Variants in EPHA5 observed in about 807,000 individuals in gnomAD.
The protein encoded by EPHA5 is ephrin type-A receptor 5.
Under a neutral mutation model 105.0 loss-of-function variants are expected in EPHA5, and 60 were observed. That is an observed-to-expected ratio of 0.57 (90% CI 0.46 to 0.71). The LOEUF (loss-of-function observed/expected upper bound fraction) is 0.71, where lower values mean the gene tolerates loss of function less well. EPHA5 is among the 30% of genes least tolerant of loss of function. The pLI is 0.00. For missense variants in EPHA5, 1,218 were observed against 1,274.7 expected (o/e 0.96, Z 0.68); for synonymous variants, 513 against 449.1 (o/e 1.14, Z -1.80).
chr4:65,494,908 G>T (rs546073857), intron 4 of EPHA5, among the ~76,000 whole-genome samples: 4 of 152,026 alleles, frequency 2.6e-5, no homozygotes, highest in Non-Finnish European at 4.4e-5. Flanking sequence ...GATGGTGAAG[G>T]CTCCATCAGC....
At chr4:65,450,021 C>T (rs569302776) in intron 5 of EPHA5, among the ~76,000 whole-genome samples, 4 of 152,156 alleles carry the variant, frequency 2.6e-5, no homozygotes, top group Admixed American at 6.6e-5. Flanking sequence ...TCAACTCTAA[C>T]AAATGAATAC....
At chr4:65,333,544 T>A (rs62313035) in intron 15 of EPHA5, among the ~76,000 whole-genome samples, 8 of 8,028 alleles carry the variant, frequency 1.0e-3, no homozygotes, top group South Asian at 0.01. Context: ...TGTGTCTGTG[T>A]GTGTGTGTGT....
rs775436631 is a variant in EPHA5, at chr4:65,490,506, A to T, written c.1273T>A (p.Ser425Thr). ...LPRQSGLKNT[S>T]VMMVDLLAHT... is the part of the protein sequence containing the mutation. ...GCGAGTAGATCCACCATCATGACAG[A>T]GGTGTTTTTCAGGCCGCTTTGCCGG... The change falls in exon 5 of 17, where the codon TCT becomes ACT. Residue 425 changes from serine (S) to threonine (T), a missense_variant. Around this residue, in one of 3 missense-constraint regions of EPHA5, gnomAD observed 971 missense variants for 1,013.5 expected, o/e 0.96. Transcript: ENST00000613740. 10 of 1,614,082 alleles carry T rather than the reference A, an allele frequency of 6.2e-6. No homozygotes were observed. In the South Asian group the frequency reaches 9.9e-5, roughly 16 times the overall value.
chr4:65,632,470 T>C (rs954596527), intron 2 of EPHA5, among the ~76,000 whole-genome samples: 2 of 145,126 alleles, frequency 1.4e-5, no homozygotes, highest in African/African-American at 5.2e-5. Flanking sequence ...CTTAGTACAA[T>C]ACAAAATAAA....
chr4:65,604,436 TTTTTC>T (rs1468965777), intron 2 of EPHA5, among the ~76,000 whole-genome samples: 6 of 152,192 alleles, frequency 3.9e-5, no homozygotes, highest in Non-Finnish European at 8.8e-5. Flanking sequence ...ATTTTATTTA[TTTTTC>T]TTTTCAAGTA....
chr4:65,648,354 G>A lies in EPHA5; in HGVS notation c.182-4927C>T, dbSNP rs1748308648. ...TCACTATGAGCAGGAAAATGTATTAGATTCTCCAGGAAATAGACACATTGG... is the reference window on the plus strand; with the variant it reads ...TCACTATGAGCAGGAAAATGTATTAAATTCTCCAGGAAATAGACACATTGG... On this transcript the variant is annotated intron_variant, in intron 1 of 16. Coordinates refer to ENST00000613740, the MANE Select transcript of EPHA5 (RefSeq NM_001281766.3). Among the ~76,000 whole-genome samples the A allele has an allele frequency of 1.3e-5, 2 of 152,146 alleles. 1 individual carries two copies. Among genetic ancestry groups the A allele is most frequent in the African/African-American group, 4.8e-5 (2 of 41,434 alleles).
chr4:65,528,103 G>T (rs1247980927), intron 3 of EPHA5, among the ~76,000 whole-genome samples: 1 of 152,012 alleles, frequency 6.6e-6, no homozygotes, highest in Non-Finnish European at 1.5e-5. Context: ...AATTTGACCA[G>T]AAAATGTTAG....
chr4:65,390,841 G>T (rs915206167), intron 8 of EPHA5, among the ~76,000 whole-genome samples: 1 of 152,020 alleles, frequency 6.6e-6, no homozygotes, highest in Non-Finnish European at 1.5e-5. Context: ...GAGAAAAAAA[G>T]TAATGAGAGA....
At chr4:65,530,124 G>T (rs1735627188) in intron 3 of EPHA5, among the ~76,000 whole-genome samples, 1 of 151,988 alleles carries the variant, frequency 6.6e-6, no homozygotes, top group African/African-American at 2.4e-5. Flanking sequence ...TTAAAAATAG[G>T]ATTATTACAT....
At chr4:65,475,670 A>C (rs1729726986) in intron 5 of EPHA5, among the ~76,000 whole-genome samples, 1 of 152,194 alleles carries the variant, frequency 6.6e-6, no homozygotes, top group African/African-American at 2.4e-5. Context: ...CATGTATGCC[A>C]ATGAGAAGAA....
intron 5 of EPHA5, among the ~76,000 whole-genome samples, chr4:65,460,008 C>T (rs780049772): frequency 3.9e-4 from 59 of 151,694 alleles, no homozygotes; most frequent in South Asian, 1.7e-3. Context: ...AAATAATCTA[C>T]CCTTAATATT....
At chr4:65,419,343 G>C (rs1210831128) in intron 6 of EPHA5, among the ~76,000 whole-genome samples, 2 of 152,026 alleles carry the variant, frequency 1.3e-5, no homozygotes, top group African/African-American at 4.8e-5. Context: ...CTTAGGTATT[G>C]TAAAGTAAGA....
intron 15 of EPHA5, among the ~76,000 whole-genome samples, chr4:65,333,795 C>T (rs181839933): frequency 4.6e-5 from 7 of 151,316 alleles, no homozygotes; most frequent in African/African-American, 1.5e-4. Context: ...ATCCATATGC[C>T]TATTTTGTAC....
chr4:65,377,056 C>T (rs151302542), intron 8 of EPHA5: 250 of 1,608,032 alleles, frequency 1.6e-4, no homozygotes, highest in Non-Finnish European at 2.1e-4. Flanking sequence ...CAGCCACATT[C>T]GCAGCAACTG....
chr4:65,505,230 G>A (rs571500215), intron 3 of EPHA5, among the ~76,000 whole-genome samples: 24 of 152,128 alleles, frequency 1.6e-4, no homozygotes, highest in African/African-American at 5.1e-4. Flanking sequence ...TAAGCATTAT[G>A]CCTTCTCTAC....
At chr4:65,395,415 C>A in intron 8 of EPHA5, among the ~76,000 whole-genome samples, 1 of 152,098 alleles carries the variant, frequency 6.6e-6, no homozygotes, top group East Asian at 1.9e-4. Context: ...ATTGTGAAGA[C>A]GTCATTTACA....
Position 65,601,880 on chromosome 4 carries a change from A to G in EPHA5, c.671T>C (p.Val224Ala). Reference protein sequence around the residue: ...FQDVGACIALVSVRVYYKKCP... With the variant: ...FQDVGACIALASVRVYYKKCP... ...TTTTTTATAGTATACACGCACAGAA[A>G]CCAGAGCAATGCAAGCACCAACATC... Residue 224 changes from valine (V) to alanine (A), a missense_variant, in exon 3 of 17, where the codon GTT becomes GCT. Physicochemically the swap from Val to Ala is moderately conservative, Grantham distance 64. Transcript: ENST00000613740. 6.2e-7 allele frequency: 1 copy of G among 1,614,110 alleles called. No homozygotes were observed. Among genetic ancestry groups the G allele is most frequent in the East Asian group, 2.2e-5 (1 of 44,868 alleles).
chr4:65,396,402 C>T (rs748938295), intron 8 of EPHA5, among the ~76,000 whole-genome samples: 22 of 152,030 alleles, frequency 1.4e-4, no homozygotes, highest in Non-Finnish European at 2.6e-4. Context: ...AAGGACATTA[C>T]GTTACTTTTG....
At chr4:65,483,537 A>C (rs1730589675) in intron 5 of EPHA5, among the ~76,000 whole-genome samples, 1 of 152,088 alleles carries the variant, frequency 6.6e-6, no homozygotes, top group Admixed American at 6.6e-5. Flanking sequence ...TAAATACGTT[A>C]GGGAGGGAAG....
Sources: allele counts gnomAD v4.1 joint callset (sites outside exome capture counted in the v4.1 genomes callset), GRCh38; gene constraint gnomAD v4.1.1; regional missense constraint gnomAD v4.1.1; transcripts MANE v1.5; gene names NCBI Gene and HGNC (gene_info 2026-07-23, HGNC 2026-07-21).